TMEM17: variants seen among roughly 807,000 people sequenced by gnomAD.
TMEM17 encodes the protein transmembrane protein 17.
TMEM17 carries 15 observed loss-of-function variants against 19.1 expected under a neutral mutation model. The observed-to-expected ratio is 0.78, with a 90% CI of 0.52 to 1.21. The LOEUF is 1.21. Ranked by LOEUF, TMEM17 falls within the 50% of genes most tolerant of loss-of-function variation. The probability of loss-of-function intolerance (pLI) is 0.00; values close to 1 mark genes in which losing one functional copy is unlikely to be tolerated. For synonymous variants in TMEM17, 103 were observed against 86.9 expected (o/e 1.19, Z -1.03); for missense variants, 245 against 242.3 (o/e 1.01, Z -0.07).
chr2:62,480,971 T>C, the TMEM17 span, among the ~76,000 whole-genome samples: 2,492 of 152,270 alleles, frequency 0.016, 87 homozygotes, highest in African/African-American at 0.057. Flanking sequence ...GGTATTTTGA[T>C]AGGGATTGCA....
At chr2:62,467,864 T>C in the TMEM17 span, among the ~76,000 whole-genome samples, 1 of 148,486 alleles carries the variant, frequency 6.7e-6, no homozygotes, top group Admixed American at 6.7e-5. Context: ...TGCAGGAGCA[T>C]GTGGGCATGC....
At chr2:62,457,742 T>C in the TMEM17 span, among the ~76,000 whole-genome samples, 1 of 152,180 alleles carries the variant, frequency 6.6e-6, no homozygotes, top group African/African-American at 2.4e-5. The surrounding 1 kb of genome is among the most constrained non-coding windows in gnomAD (Gnocchi z 4.2). Flanking sequence ...ACGAAGCCTG[T>C]AATTAAGGCC....
At chr2:62,502,277 G>C (rs531417123) in intron 3 of TMEM17, 160 bp downstream of exon 3, 1 of 489,306 alleles carries the variant, frequency 2.0e-6, no homozygotes, top group South Asian at 3.5e-5. Flanking sequence ...CAGGGCTCAA[G>C]AGATTAAGCA....
At chr2:62,455,145 T>A in the TMEM17 span, among the ~76,000 whole-genome samples, 1 of 152,218 alleles carries the variant, frequency 6.6e-6, no homozygotes, top group Non-Finnish European at 1.5e-5. Flanking sequence ...TCCCACCCTG[T>A]CCCTGTCCCA....
the TMEM17 span, among the ~76,000 whole-genome samples, chr2:62,464,628 C>T: frequency 6.6e-6 from 1 of 152,218 alleles, no homozygotes; most frequent in Non-Finnish European, 1.5e-5. Context: ...TTTATCAAGA[C>T]AGGGAAATTG....
chr2:62,455,016 T>G, the TMEM17 span, among the ~76,000 whole-genome samples: 1 of 152,182 alleles, frequency 6.6e-6, no homozygotes. Flanking sequence ...AGACCCAGCT[T>G]TATTGAAGGT....
the TMEM17 span, among the ~76,000 whole-genome samples, chr2:62,473,625 A>G: frequency 3.3e-5 from 5 of 151,854 alleles, no homozygotes; most frequent in African/African-American, 1.2e-4. Flanking sequence ...CTGATGAAAT[A>G]TCTCATCTAC....
the TMEM17 span, among the ~76,000 whole-genome samples, chr2:62,467,455 G>A: frequency 6.6e-6 from 1 of 152,200 alleles, no homozygotes; most frequent in South Asian, 2.1e-4. Context: ...AAGCACTATA[G>A]AGACTTCTGA....
At chr2:62,505,613 G>T (rs1310508851) in intron 1 of TMEM17, among the ~76,000 whole-genome samples, 1 of 152,260 alleles carries the variant, frequency 6.6e-6, no homozygotes, top group Non-Finnish European at 1.5e-5. Context: ...CGTCATCCTG[G>T]ACAGAAAAGC....
At chr2:62,475,726 C>T in the TMEM17 span, among the ~76,000 whole-genome samples, 4,022 of 152,256 alleles carry the variant, frequency 0.026, 170 homozygotes, top group African/African-American at 0.087. Flanking sequence ...ATGCCAGTGT[C>T]GGGCTCGCTG....
At chr2:62,505,880 C>G (rs1309899378) in intron 1 of TMEM17, 150 bp downstream of exon 1, 2 of 790,224 alleles carry the variant, frequency 2.5e-6, no homozygotes, top group Non-Finnish European at 4.0e-6. Flanking sequence ...CTGTCCGGCC[C>G]GGCCCCTCCT....
At chr2:62,467,484 C>T in the TMEM17 span, among the ~76,000 whole-genome samples, 1 of 152,310 alleles carries the variant, frequency 6.6e-6, no homozygotes, top group South Asian at 2.1e-4. Context: ...TGTCAAAACA[C>T]TTCTGGGAAA....
chr2:62,479,111 A>G, the TMEM17 span, among the ~76,000 whole-genome samples: 27 of 152,332 alleles, frequency 1.8e-4, no homozygotes, highest in African/African-American at 6.5e-4. Flanking sequence ...GAAACTATAT[A>G]TTATTGTTAA....
the TMEM17 span, among the ~76,000 whole-genome samples, chr2:62,491,741 G>A: frequency 1.3e-3 from 191 of 152,118 alleles, no homozygotes; most frequent in African/African-American, 4.4e-3. Flanking sequence ...ATGAAAGCAC[G>A]TAGCATTTCA....
the TMEM17 span, among the ~76,000 whole-genome samples, chr2:62,480,727 T>C: frequency 1.3e-5 from 2 of 152,214 alleles, no homozygotes; most frequent in Admixed American, 1.3e-4. Flanking sequence ...TATAGATACA[T>C]GGACTCATTT....
the TMEM17 span, among the ~76,000 whole-genome samples, chr2:62,469,981 G>A: frequency 6.0e-4 from 92 of 152,258 alleles, no homozygotes; most frequent in African/African-American, 2.1e-3. Flanking sequence ...GTATCCCCAT[G>A]TTCCCCGGGC....
chr2:62,468,484 G>A, the TMEM17 span, among the ~76,000 whole-genome samples: 18 of 152,254 alleles, frequency 1.2e-4, no homozygotes, highest in Non-Finnish European at 2.1e-4. Flanking sequence ...TGGAATTACA[G>A]TTGGGGTCCT....
the TMEM17 span, among the ~76,000 whole-genome samples, chr2:62,478,339 G>A: frequency 6.6e-6 from 1 of 152,194 alleles, no homozygotes; most frequent in Non-Finnish European, 1.5e-5. Flanking sequence ...TGCAGCTCAG[G>A]GAAGGGAGCA....
the TMEM17 span, among the ~76,000 whole-genome samples, chr2:62,457,373 C>T: frequency 0.012 from 1,865 of 152,242 alleles, 46 homozygotes; most frequent in African/African-American, 0.043. The surrounding 1 kb of genome is among the most constrained non-coding windows in gnomAD (Gnocchi z 4.2). Context: ...GTTTCCTCCC[C>T]GTCGCGGACC....
Sources: gnomAD v4.1 joint callset for allele counts (sites outside exome capture counted in the v4.1 genomes callset) on GRCh38, gnomAD v4.1.1 for gene constraint, Gnocchi (gnomAD v3.1) non-coding constraint, MANE v1.5 for transcripts, NCBI Gene and HGNC (gene_info 2026-07-23, HGNC 2026-07-21) for gene names.